Variants in ZNF438 observed in about 807,000 individuals in gnomAD.
The protein encoded by ZNF438 is zinc finger protein 438.
Under a neutral mutation model 38.0 loss-of-function variants are expected in ZNF438, and 25 were observed. The ratio of observed to expected loss-of-function variants is 0.66; its 90% CI spans 0.48 to 0.92. The LOEUF (loss-of-function observed/expected upper bound fraction) is 0.92, where lower values mean the gene tolerates loss of function less well. Among genes scored for constraint, ZNF438 ranks in the 40% least tolerant of loss-of-function variants. ZNF438 has a pLI of 0.00. For synonymous variants in ZNF438, 372 were observed against 364.1 expected, an observed-to-expected ratio of 1.02 and a Z score of -0.25; for missense variants, 1,007 against 999.6, an observed-to-expected ratio of 1.01 and a Z score of -0.10.
intron 1 of ZNF438, among the ~76,000 whole-genome samples, chr10:30,957,489 T>A (rs1206742742): frequency 6.6e-6 from 1 of 152,222 alleles, no homozygotes; most frequent in Non-Finnish European, 1.5e-5. Context: ...GTGTTTCTCC[T>A]GTGTATTCTA....
At chr10:30,947,523 C>G (rs1017816944) in intron 1 of ZNF438, among the ~76,000 whole-genome samples, 2 of 152,270 alleles carry the variant, frequency 1.3e-5, no homozygotes, top group African/African-American at 4.8e-5. Context: ...CAGAGGGAGG[C>G]AGGCCTCCTT....
intron 4 of ZNF438, among the ~76,000 whole-genome samples, chr10:30,854,193 G>T (rs530586281): frequency 6.6e-6 from 1 of 152,060 alleles, no homozygotes; most frequent in African/African-American, 2.4e-5. Flanking sequence ...GGTGGTGGGC[G>T]CCTGTAGTCC....
intron 1 of ZNF438, among the ~76,000 whole-genome samples, chr10:31,024,285 A>G (rs2056796503): frequency 6.6e-6 from 1 of 152,208 alleles, no homozygotes; most frequent in Non-Finnish European, 1.5e-5. Context: ...ATTTCACAGT[A>G]TTGTCAAGAA....
rs372795002 is a variant in ZNF438 at position 30,845,622 on chromosome 10, T to C, written c.1875-49A>G. On this transcript the variant is annotated intron_variant, in intron 5 of 5. Transcript: ENST00000413025. ...GATAAGATTTCATGGAAAAATGCAA[T>C]TGGAATCTTTCCTCTCAGCTGTCAG... 6.0e-5 allele frequency: 93 copies of C among 1,562,604 alleles called. 1 individual carries two copies. Among genetic ancestry groups the C allele is most frequent in the South Asian group, 3.6e-4 (29 of 80,762 alleles).
intron 1 of ZNF438, among the ~76,000 whole-genome samples, chr10:30,942,583 C>G (rs2046932614): frequency 6.6e-6 from 1 of 152,194 alleles, no homozygotes; most frequent in South Asian, 2.1e-4. Context: ...TGGTTACAAA[C>G]ATAGGATTCT....
chr10:30,852,400 G>T (rs1200851394), intron 4 of ZNF438, among the ~76,000 whole-genome samples: 1 of 151,912 alleles, frequency 6.6e-6, no homozygotes, highest in African/African-American at 2.4e-5. Flanking sequence ...TAGAGACAGG[G>T]TTTCTCCATG....
chr10:30,931,986 C>T lies in ZNF438; in HGVS notation c.-115+9589G>A, dbSNP rs565741756. On this transcript the variant is annotated intron_variant, in intron 2 of 5. Coordinates refer to ENST00000413025, the Ensembl canonical transcript of ZNF438. Reference sequence around the variant, plus strand: ...GAAGGTAGAGGGTAATAACGTGCTCCCAAGGAGACAAGTAGGAAGACTTAG... The same window carrying T: ...GAAGGTAGAGGGTAATAACGTGCTCTCAAGGAGACAAGTAGGAAGACTTAG... Among the ~76,000 whole-genome samples the T allele has an allele frequency of 3.3e-5, 5 of 152,158 alleles. No individual in the cohort carries two copies. In the South Asian group the frequency reaches 1.0e-3, roughly 32 times the overall value.
chr10:30,926,888 G>C (rs886716448), intron 2 of ZNF438, among the ~76,000 whole-genome samples: 1 of 152,050 alleles, frequency 6.6e-6, no homozygotes, highest in African/African-American at 2.4e-5. Context: ...GCAAACAGAG[G>C]GACTCAGCCT....
chr10:30,952,067 A>T (rs2048275381), intron 1 of ZNF438, among the ~76,000 whole-genome samples: 1 of 150,270 alleles, frequency 6.7e-6, no homozygotes, highest in African/African-American at 2.4e-5. Flanking sequence ...AGATCAATGG[A>T]ACTGAACAGA....
At chr10:31,018,204 C>A (rs2056344166) in intron 1 of ZNF438, among the ~76,000 whole-genome samples, 1 of 152,178 alleles carries the variant, frequency 6.6e-6, no homozygotes, top group African/African-American at 2.4e-5. Context: ...TCCAACACTG[C>A]AATGCCCCAT....
At chr10:30,876,955 C>T in intron 4 of ZNF438, 43 bp downstream of exon 5, 1 of 1,530,188 alleles carries the variant, frequency 6.5e-7, no homozygotes, top group Non-Finnish European at 8.9e-7. Context: ...CAAATTAAAA[C>T]TATAACAGAC....
At chr10:30,959,495 T>C (rs2049226878) in intron 1 of ZNF438, among the ~76,000 whole-genome samples, 1 of 145,026 alleles carries the variant, frequency 6.9e-6, no homozygotes, top group Non-Finnish European at 1.6e-5. Context: ...TCCCAGCACT[T>C]TGGAAGGCCG....
In ZNF438 at chr10:31,017,321, C is replaced by T. The variant is rs114935205; in HGVS notation, c.-192+14512G>A. ...GATTTTTTCTTTTCCATTATCCTTTCTGGTCATACATGAAACAAACTTGGA... is the reference window on the plus strand; with the variant it reads ...GATTTTTTCTTTTCCATTATCCTTTTTGGTCATACATGAAACAAACTTGGA... On this transcript the variant is annotated intron_variant, in intron 1 of 5. Transcript: ENST00000413025. Among the ~76,000 whole-genome samples the T allele has an allele frequency of 3.5e-3, 534 of 152,316 alleles. 5 individuals are homozygous for T. Among genetic ancestry groups the T allele is most frequent in the African/African-American group, 0.012 (496 of 41,572 alleles).
intron 1 of ZNF438, among the ~76,000 whole-genome samples, chr10:31,029,030 CCT>C (rs780398929): frequency 2.0e-4 from 30 of 152,334 alleles, no homozygotes; most frequent in African/African-American, 6.7e-4. Context: ...TGACCACTCC[CCT>C]GAGTTCCATA....
chr10:30,892,442 A>G (rs1289737703), intron 3 of ZNF438, among the ~76,000 whole-genome samples: 2 of 152,198 alleles, frequency 1.3e-5, no homozygotes, highest in Non-Finnish European at 2.9e-5. Flanking sequence ...TATCTCAGGT[A>G]ACTGAAATGA....
intron 1 of ZNF438, among the ~76,000 whole-genome samples, chr10:31,005,016 C>A (rs1446049544): frequency 6.6e-6 from 1 of 152,108 alleles, no homozygotes; most frequent in African/African-American, 2.4e-5. Flanking sequence ...GGTGGGAATG[C>A]AGATCAGTGC....
intron 1 of ZNF438, among the ~76,000 whole-genome samples, chr10:31,007,576 G>A (rs966306714): frequency 2.6e-5 from 4 of 152,246 alleles, no homozygotes; most frequent in South Asian, 4.1e-4. Flanking sequence ...CACCGCGCCC[G>A]GCCAGATCTT....
At position 30,912,600 on chromosome 10, in the gene ZNF438, T is replaced by G. The variant is rs1057279961; in HGVS notation, c.-114-3585A>C. 5.8e-4 allele frequency among the ~76,000 whole-genome samples: 89 copies of G among 152,186 alleles called. 1 individual carries two copies. The highest frequency in any genetic ancestry group is 2.0e-3 in the African/African-American group (85 of 41,506). ...ACCTACATATCTGTAGGTCCATATC[T>G]GTCTACACAGGCAGCATACAGAATG... On this transcript the variant is annotated intron_variant, in intron 2 of 5. Coordinates refer to ENST00000413025, the Ensembl canonical transcript of ZNF438.
chr10:30,867,550 A>G (rs1159479900), intron 4 of ZNF438, among the ~76,000 whole-genome samples: 1 of 152,184 alleles, frequency 6.6e-6, no homozygotes, highest in African/African-American at 2.4e-5. Context: ...GTCCTCAATA[A>G]TTTTTGAGAG....
Sources: allele counts gnomAD v4.1 joint callset (sites outside exome capture counted in the v4.1 genomes callset), GRCh38; gene constraint gnomAD v4.1.1; transcripts MANE v1.5; gene names NCBI Gene and HGNC (gene_info 2026-07-23, HGNC 2026-07-21).